PLA2G5: variants seen among roughly 807,000 people sequenced by gnomAD.
PLA2G5 encodes the protein phospholipase A2 group V.
Under a neutral mutation model 15.9 loss-of-function variants are expected in PLA2G5, and 12 were observed. That is an observed-to-expected ratio of 0.76 (90% confidence interval 0.48 to 1.23). PLA2G5 has a LOEUF of 1.23. Among genes scored for constraint, PLA2G5 ranks in the 50% most tolerant of loss-of-function variants. The probability of loss-of-function intolerance (pLI) is 0.00; values close to 1 mark genes in which losing one functional copy is unlikely to be tolerated. For synonymous variants in PLA2G5, 71 were observed against 71.4 expected (o/e 0.99, Z 0.03); for missense variants, 169 against 177.1 (o/e 0.95, Z 0.26).
At chr1:20,037,571 A>G (rs1217451580) in intron 1 of PLA2G5, among the ~76,000 whole-genome samples, 1 of 152,234 alleles carries the variant, frequency 6.6e-6, no homozygotes, top group Non-Finnish European at 1.5e-5. Flanking sequence ...GGACAGACTC[A>G]GGACCTCTAG....
At chr1:20,074,029 G>C (rs984901213) in intron 1 of PLA2G5, among the ~76,000 whole-genome samples, 1 of 152,152 alleles carries the variant, frequency 6.6e-6, no homozygotes, top group Non-Finnish European at 1.5e-5. Context: ...AAAGATGACG[G>C]TCAGTGCCAT....
intron 1 of PLA2G5, among the ~76,000 whole-genome samples, chr1:20,031,581 C>T (rs1000093107): frequency 1.3e-5 from 2 of 151,650 alleles, no homozygotes; most frequent in Non-Finnish European, 2.9e-5. Flanking sequence ...GTGTTATGGA[C>T]CAGGGCCTCC....
At chr1:20,060,247 C>CTTTTTTTTTTTTTTTTTT (rs71585739) in intron 2 of PLA2G5, among the ~76,000 whole-genome samples, 12 of 83,690 alleles carry the variant, frequency 1.4e-4, no homozygotes, top group South Asian at 5.4e-4. Context: ...CTTTTTTCTT[C>CTTTTTTTTTTTTTTTTTT]TTTTTTTTTT....
intron 1 of PLA2G5, among the ~76,000 whole-genome samples, chr1:20,044,048 G>A (rs2013761507): frequency 6.6e-6 from 1 of 152,216 alleles, no homozygotes. Context: ...GGTGAGCTGG[G>A]CAGTCTGATT....
In PLA2G5 at chr1:20,086,246, C is replaced by T. The variant is rs770501765; in HGVS notation, c.185+19C>T. The stretch of plus-strand genomic sequence containing the variant: ...CCGATTGGTGAGCTGATCGCTATAA[C>T]TGCCCTTTAGGCTCCAGGCTCTGCA... On this transcript the variant is annotated intron_variant, in intron 3 of 4. Coordinates refer to ENST00000375108, the MANE Select transcript of PLA2G5 (RefSeq NM_000929.3). 2 of 1,613,338 alleles carry T rather than the reference C, an allele frequency of 1.2e-6. No individual in the cohort carries two copies. The highest frequency in any genetic ancestry group is 4.5e-5 in the East Asian group (2 of 44,870).
chr1:20,044,010 G>T (rs2013758821), intron 1 of PLA2G5, among the ~76,000 whole-genome samples: 1 of 152,218 alleles, frequency 6.6e-6, no homozygotes, highest in Admixed American at 6.5e-5. Context: ...TTGGGCCAGA[G>T]CTTTAGGGGC....
At chr1:20,047,970 A>C (rs1019204322) in intron 1 of PLA2G5, among the ~76,000 whole-genome samples, 5 of 152,170 alleles carry the variant, frequency 3.3e-5, no homozygotes, top group African/African-American at 1.2e-4. Context: ...CCAATAATTT[A>C]TACAGGTTAT....
intron 1 of PLA2G5, among the ~76,000 whole-genome samples, chr1:20,057,869 A>AT (rs36003210): frequency 4.0e-4 from 60 of 150,850 alleles, no homozygotes; most frequent in African/African-American, 1.2e-3. Flanking sequence ...TCCTCTTGAG[A>AT]TTTTTTTTTT....
At chr1:20,078,268 T>G (rs1259436951) in intron 1 of PLA2G5, among the ~76,000 whole-genome samples, 1 of 152,174 alleles carries the variant, frequency 6.6e-6, no homozygotes, top group Non-Finnish European at 1.5e-5. Context: ...AGTGAAGGGT[T>G]CAGAGTGGGG....
At chr1:20,049,975 C>A (rs888207785) in intron 1 of PLA2G5, among the ~76,000 whole-genome samples, 1 of 152,150 alleles carries the variant, frequency 6.6e-6, no homozygotes, top group African/African-American at 2.4e-5. Flanking sequence ...TCTTAAAGGT[C>A]TAAACGAAAT....
At position 20,076,000 on chromosome 1, in the gene PLA2G5, T is replaced by TA. The variant is rs551837192; in HGVS notation, c.-11+5536dup. 3.0e-4 allele frequency among the ~76,000 whole-genome samples: 46 copies of TA among 151,788 alleles called. 1 individual carries two copies. In the East Asian group the frequency reaches 8.4e-3, roughly 28 times the overall value. ...GATTCTCCTGCCTCAGCCTCCCAAG[T>TA]AGCTAGGATTACAGGCACTCGCCAC... On this transcript the variant is annotated intron_variant, in intron 1 of 4. Transcript: ENST00000375108.
intron 1 of PLA2G5, among the ~76,000 whole-genome samples, chr1:20,044,845 G>A (rs1170294147): frequency 2.0e-5 from 3 of 152,026 alleles, no homozygotes; most frequent in Non-Finnish European, 4.4e-5. Context: ...GGTCAGATGG[G>A]TCGGTAGAAA....
At chr1:20,089,144 T>C (rs563531412) in intron 3 of PLA2G5, among the ~76,000 whole-genome samples, 58 of 152,208 alleles carry the variant, frequency 3.8e-4, no homozygotes, top group Non-Finnish European at 7.3e-4. Context: ...TTATCGTAGC[T>C]GATGCAACGT....
chr1:20,035,390 A>G (rs767778736), intron 1 of PLA2G5, among the ~76,000 whole-genome samples: 3 of 152,056 alleles, frequency 2.0e-5, no homozygotes, highest in Non-Finnish European at 2.9e-5. Context: ...TGTTCCTTGC[A>G]TTTTCTCCCA....
intron 1 of PLA2G5, among the ~76,000 whole-genome samples, chr1:20,058,197 G>A (rs2014532614): frequency 6.6e-6 from 1 of 152,116 alleles, no homozygotes; most frequent in African/African-American, 2.4e-5. Flanking sequence ...TCTGCTTGCT[G>A]GCTCTGTTCA....
chr1:20,064,670 G>T (rs2014926804), intron 2 of PLA2G5, among the ~76,000 whole-genome samples: 1 of 152,124 alleles, frequency 6.6e-6, no homozygotes, highest in South Asian at 2.1e-4. Flanking sequence ...AAGGTGGGAG[G>T]ATTGTTTGAG....
At chr1:20,053,347 C>A (rs2014268999) in intron 1 of PLA2G5, among the ~76,000 whole-genome samples, 1 of 152,064 alleles carries the variant, frequency 6.6e-6, no homozygotes, top group African/African-American at 2.4e-5. Flanking sequence ...AATTTACTAA[C>A]TAGCAGGTAG....
chr1:20,078,506 C>T (rs940308806), intron 1 of PLA2G5, among the ~76,000 whole-genome samples: 10 of 152,176 alleles, frequency 6.6e-5, no homozygotes, highest in African/African-American at 1.4e-4. Context: ...CTCTGATCAC[C>T]GCCAGACACC....
At chr1:20,033,845 T>C (rs1439728962) in intron 1 of PLA2G5, among the ~76,000 whole-genome samples, 1 of 151,992 alleles carries the variant, frequency 6.6e-6, no homozygotes, top group Non-Finnish European at 1.5e-5. Flanking sequence ...ATGGGCCTTA[T>C]GAGATACTTC....
Sources: allele counts gnomAD v4.1 joint callset (sites outside exome capture counted in the v4.1 genomes callset), GRCh38; gene constraint gnomAD v4.1.1; transcripts MANE v1.5; gene names NCBI Gene and HGNC (gene_info 2026-07-23, HGNC 2026-07-21).